SGCZ: variants seen among roughly 807,000 people sequenced by gnomAD.
The protein encoded by SGCZ is sarcoglycan zeta, also known as zeta-sarcoglycan.
SGCZ carries 40 observed loss-of-function variants against 41.3 expected under a neutral mutation model. The observed-to-expected ratio is 0.97, with a 90% CI of 0.75 to 1.26. SGCZ has a LOEUF of 1.26. Ranked by LOEUF, SGCZ falls within the 50% of genes most tolerant of loss-of-function variation. The probability of loss-of-function intolerance (pLI) is 0.00; values close to 1 mark genes in which losing one functional copy is unlikely to be tolerated. For synonymous variants in SGCZ, 206 were observed against 137.5 expected, an observed-to-expected ratio of 1.50 and a Z score of -3.49; for missense variants, 552 against 369.8, an observed-to-expected ratio of 1.49 and a Z score of -4.04.
chr8:14,827,171 A>T (rs1220076952), intron 1 of SGCZ, among the ~76,000 whole-genome samples: 1 of 151,596 alleles, frequency 6.6e-6, no homozygotes, highest in Non-Finnish European at 1.5e-5. Flanking sequence ...GTTTCAAAAA[A>T]AAAACAGACT....
intron 4 of SGCZ, among the ~76,000 whole-genome samples, chr8:14,189,153 C>T (rs1428896759): frequency 6.6e-6 from 1 of 152,058 alleles, no homozygotes; most frequent in Non-Finnish European, 1.5e-5. Context: ...GCCACTGCAC[C>T]TGGCCCCTCT....
intron 2 of SGCZ, among the ~76,000 whole-genome samples, chr8:14,419,199 C>A (rs1459430306): frequency 1.3e-5 from 2 of 151,842 alleles, no homozygotes; most frequent in East Asian, 3.9e-4. Context: ...AATTCAGAAG[C>A]TAAAAGAAAA....
chr8:15,155,062 A>C (rs1420605225), intron 1 of SGCZ, among the ~76,000 whole-genome samples: 1 of 152,128 alleles, frequency 6.6e-6, no homozygotes, highest in Non-Finnish European at 1.5e-5. Flanking sequence ...GAGGCCAAGG[A>C]AAGTGGATAG....
At chr8:14,745,687 A>G (rs1432327688) in intron 1 of SGCZ, among the ~76,000 whole-genome samples, 2 of 152,042 alleles carry the variant, frequency 1.3e-5, no homozygotes, top group Non-Finnish European at 2.9e-5. Context: ...CTATATACAT[A>G]CATGCCATAT....
chr8:15,073,250 C>T (rs1311215344), intron 1 of SGCZ, among the ~76,000 whole-genome samples: 2 of 152,106 alleles, frequency 1.3e-5, no homozygotes, highest in Admixed American at 1.3e-4. Flanking sequence ...TTTTAATAAT[C>T]ATATCTTCAC....
chr8:15,009,181 C>T (rs887001580), intron 1 of SGCZ, among the ~76,000 whole-genome samples: 4 of 152,128 alleles, frequency 2.6e-5, no homozygotes, highest in African/African-American at 9.7e-5. Context: ...ACAGACTGTA[C>T]AGGAAGCATG....
chr8:14,506,612 T>G (rs1171999148), intron 2 of SGCZ, among the ~76,000 whole-genome samples: 1 of 152,218 alleles, frequency 6.6e-6, no homozygotes, highest in African/African-American at 2.4e-5. Context: ...TTTCTTTTTG[T>G]TCCATCTCAA....
At chr8:14,986,553 C>T (rs1038642065) in intron 1 of SGCZ, among the ~76,000 whole-genome samples, 14 of 151,960 alleles carry the variant, frequency 9.2e-5, no homozygotes, top group African/African-American at 1.2e-4. Flanking sequence ...AATTTCCTTT[C>T]GAACAGGTAG....
At chr8:14,213,657 TAA>T (rs1181119061) in intron 4 of SGCZ, among the ~76,000 whole-genome samples, 3 of 152,004 alleles carry the variant, frequency 2.0e-5, no homozygotes, top group African/African-American at 7.2e-5. Context: ...AGAACAAATA[TAA>T]TAGACCTCAT....
At chr8:14,267,560 G>A (rs748973221) in intron 3 of SGCZ, among the ~76,000 whole-genome samples, 2 of 152,020 alleles carry the variant, frequency 1.3e-5, no homozygotes, top group African/African-American at 4.8e-5. Context: ...GTCTCATGAT[G>A]CTATTATGCA....
chr8:15,215,344 G>T (rs745442988), intron 1 of SGCZ, among the ~76,000 whole-genome samples: 4 of 152,094 alleles, frequency 2.6e-5, no homozygotes, highest in Non-Finnish European at 4.4e-5. Context: ...TACGCAAGAA[G>T]AAAAAACCTT....
At chr8:15,105,323 C>G (rs1806781458) in intron 1 of SGCZ, among the ~76,000 whole-genome samples, 1 of 152,134 alleles carries the variant, frequency 6.6e-6, no homozygotes, top group Non-Finnish European at 1.5e-5. Flanking sequence ...ACACACATCC[C>G]TCACACTGCT....
intron 4 of SGCZ, among the ~76,000 whole-genome samples, chr8:14,172,873 T>C (rs966495528): frequency 7.2e-4 from 110 of 152,206 alleles, no homozygotes; most frequent in African/African-American, 2.5e-3. Context: ...AAAGGCTGCA[T>C]TGTACATGGA....
At chr8:14,144,217 C>T (rs757443155) in intron 5 of SGCZ, among the ~76,000 whole-genome samples, 9 of 152,130 alleles carry the variant, frequency 5.9e-5, no homozygotes, top group Admixed American at 3.9e-4. Context: ...CTCATGGCTC[C>T]AAATGAGACC....
intron 1 of SGCZ, among the ~76,000 whole-genome samples, chr8:14,918,657 T>G (rs1434114846): frequency 1.3e-5 from 2 of 152,194 alleles, no homozygotes; most frequent in Non-Finnish European, 2.9e-5. Context: ...TTCTGTAAGA[T>G]TATCTCCTCT....
chr8:14,585,049 A>G (rs1006140423), intron 1 of SGCZ, among the ~76,000 whole-genome samples: 1 of 152,166 alleles, frequency 6.6e-6, no homozygotes, highest in East Asian at 1.9e-4. Context: ...CAGGATGAGG[A>G]TGCTTCAAGG....
chr8:15,007,049 A>T (rs1802629885), intron 1 of SGCZ, among the ~76,000 whole-genome samples: 1 of 152,234 alleles, frequency 6.6e-6, no homozygotes, highest in Non-Finnish European at 1.5e-5. Flanking sequence ...AGACTAGTAT[A>T]TTTAACTGTT....
chr8:14,661,012 A>C (rs1003568597), intron 1 of SGCZ, among the ~76,000 whole-genome samples: 2 of 152,176 alleles, frequency 1.3e-5, no homozygotes, highest in African/African-American at 4.8e-5. Context: ...CTATTGTGAC[A>C]GCAGCTATAT....
intron 2 of SGCZ, among the ~76,000 whole-genome samples, chr8:14,351,201 A>G (rs1803078474): frequency 6.6e-6 from 1 of 152,156 alleles, no homozygotes; most frequent in South Asian, 2.1e-4. Flanking sequence ...TATTACTGGT[A>G]TTACCGGTAT....
Sources: gnomAD v4.1 joint callset for allele counts (sites outside exome capture counted in the v4.1 genomes callset) on GRCh38, gnomAD v4.1.1 for gene constraint, MANE v1.5 for transcripts, NCBI Gene and HGNC (gene_info 2026-07-23, HGNC 2026-07-21) for gene names.